ANKRD28: variants seen among roughly 807,000 people sequenced by gnomAD.
The protein encoded by ANKRD28 is serine/threonine-protein phosphatase 6 regulatory ankyrin repeat subunit A.
In ANKRD28, 44 loss-of-function variants were observed where a neutral mutation model predicts 126.5. That is an observed-to-expected ratio of 0.35 (90% CI 0.27 to 0.45). The LOEUF (loss-of-function observed/expected upper bound fraction) is 0.45, where lower values mean the gene tolerates loss of function less well. ANKRD28 is among the 20% of genes least tolerant of loss of function. The pLI is 1.00. For synonymous variants in ANKRD28, 442 were observed against 468.5 expected, an observed-to-expected ratio of 0.94 and a Z score of 0.73; for missense variants, 1,110 against 1,316.6, an observed-to-expected ratio of 0.84 and a Z score of 2.43.
Position 15,817,035 on chromosome 3 carries a change from G to C in ANKRD28, c.28-21729C>G, listed in dbSNP as rs2060846082. ...ACACAGCAAAACCCTGTCTCTGTAA[G>C]AAAACAAAACCAAAACCAAAAGAAA... On this transcript the variant is annotated intron_variant, in intron 1 of 27. Coordinates refer to the ANKRD28 transcript ENST00000399451. The surrounding 1 kb of genome is among the most constrained non-coding windows in gnomAD (Gnocchi z 4.5). Among the ~76,000 whole-genome samples the C allele has an allele frequency of 6.6e-6, 1 of 151,990 alleles. No individual in the cohort carries two copies. The highest frequency in any genetic ancestry group is 6.6e-5 in the Admixed American group (1 of 15,238).
At chr3:15,762,338 T>C (rs968015345) in intron 3 of ANKRD28, among the ~76,000 whole-genome samples, 2 of 152,180 alleles carry the variant, frequency 1.3e-5, no homozygotes, top group Non-Finnish European at 2.9e-5. Flanking sequence ...ACATCCTGAT[T>C]ACTACCTATC....
intron 1 of ANKRD28, among the ~76,000 whole-genome samples, chr3:15,803,090 T>C (rs909498205): frequency 6.6e-6 from 1 of 152,230 alleles, no homozygotes; most frequent in Non-Finnish European, 1.5e-5. Flanking sequence ...AGAGAGGCCT[T>C]GTAAACCAAG....
In ANKRD28 at chr3:15,776,134, A is replaced by G. The variant is rs141417738; in HGVS notation, c.202-9822T>C. ...ACTATGTCCAAATAAACACTTTACC[A>G]TATCGTACACTACATACTTCAAAAA... is the stretch of plus-strand genomic sequence containing the variant. On this transcript the variant is annotated intron_variant, in intron 2 of 27. Coordinates refer to ENST00000683139, the MANE Select transcript of ANKRD28 (RefSeq NM_001349278.2). Among the ~76,000 whole-genome samples, 6 of 152,360 alleles carry G rather than the reference A, an allele frequency of 3.9e-5. No individual in the cohort carries two copies. The East Asian group carries it at 1.2e-3, about 29-fold the overall frequency.
At chr3:15,748,496 T>C (rs980946293) in intron 4 of ANKRD28, among the ~76,000 whole-genome samples, 5 of 152,186 alleles carry the variant, frequency 3.3e-5, no homozygotes, top group African/African-American at 1.2e-4. Flanking sequence ...AATCGTTTTG[T>C]TTAAGGAGGC....
At chr3:15,762,430 A>G (rs2058536978) in intron 3 of ANKRD28, among the ~76,000 whole-genome samples, 1 of 152,162 alleles carries the variant, frequency 6.6e-6, no homozygotes, top group African/African-American at 2.4e-5. Flanking sequence ...CCTGTTCAGG[A>G]AGGTACTTAT....
chr3:15,698,438 G>T (rs2070015690), intron 14 of ANKRD28, among the ~76,000 whole-genome samples: 1 of 152,176 alleles, frequency 6.6e-6, no homozygotes, highest in Non-Finnish European at 1.5e-5. Flanking sequence ...TAGGAAAAGA[G>T]GAAGTCAAAT....
At chr3:15,754,267 T>C (rs143137175) in intron 3 of ANKRD28, among the ~76,000 whole-genome samples, 18 of 152,308 alleles carry the variant, frequency 1.2e-4, no homozygotes, top group African/African-American at 4.3e-4. Context: ...AGGATGTGAA[T>C]CATCCCTTTG....
At chr3:15,716,649 A>T (rs2073098345) in intron 8 of ANKRD28, among the ~76,000 whole-genome samples, 1 of 152,162 alleles carries the variant, frequency 6.6e-6, no homozygotes, top group Admixed American at 6.6e-5. Flanking sequence ...GGATAAGAAA[A>T]ACAAGAGGAA....
chr3:15,842,174 A>G (rs1040959280), intron 1 of ANKRD28, among the ~76,000 whole-genome samples: 28 of 151,986 alleles, frequency 1.8e-4, no homozygotes, highest in African/African-American at 6.0e-4. Context: ...AAGCAACTTA[A>G]ATGTCCATTA....
chr3:15,751,331 T>C (rs1295058807), intron 4 of ANKRD28, among the ~76,000 whole-genome samples: 1 of 152,186 alleles, frequency 6.6e-6, no homozygotes, highest in African/African-American at 2.4e-5. Context: ...AAATGTGCAA[T>C]CAAGTAATGG....
intron 2 of ANKRD28, among the ~76,000 whole-genome samples, chr3:15,768,664 G>A (rs997976900): frequency 4.6e-5 from 7 of 151,650 alleles, no homozygotes; most frequent in East Asian, 1.9e-4. Flanking sequence ...GGGGGGCGGC[G>A]GTGGGGCAGG....
At chr3:15,813,024 C>A (rs2060749676) in intron 1 of ANKRD28, among the ~76,000 whole-genome samples, 1 of 148,182 alleles carries the variant, frequency 6.7e-6, no homozygotes, top group African/African-American at 2.5e-5. Flanking sequence ...CAGTTTCCAA[C>A]ATAACAGCTT....
At position 15,853,709 on chromosome 3, in the gene ANKRD28, T is replaced by C. The variant is rs1236197826; in HGVS notation, c.27+5668A>G. 2.6e-5 allele frequency among the ~76,000 whole-genome samples: 4 copies of C among 152,080 alleles called. No individual in the cohort carries two copies. Among genetic ancestry groups the C allele is most frequent in the Non-Finnish European group, 5.9e-5 (4 of 68,002 alleles). ...TGGTCTCGATCTCCTGACCTCATGA[T>C]CCGCCCGCCTCGGTCTCCCAAAGTG... On this transcript the variant is annotated intron_variant, in intron 1 of 27. Transcript: ENST00000399451. The surrounding 1 kb of genome is among the most constrained non-coding windows in gnomAD (Gnocchi z 4.2).
intron 1 of ANKRD28, among the ~76,000 whole-genome samples, chr3:15,806,041 A>G (rs1267688470): frequency 2.0e-5 from 3 of 152,208 alleles, no homozygotes; most frequent in Non-Finnish European, 4.4e-5. Context: ...AAATTCAAGT[A>G]ATGACTCAGA....
chr3:15,798,165 C>T (rs2060362907), upstream of ANKRD28: 14 of 985,370 alleles, frequency 1.4e-5, no homozygotes, highest in South Asian at 6.1e-4. Flanking sequence ...ATCTGGTGTA[C>T]TGCCTCTGCT....
Position 15,846,415 on chromosome 3 carries a change from C to T in ANKRD28, c.27+12962G>A, listed in dbSNP as rs1362372284. On this transcript the variant is annotated intron_variant, in intron 1 of 27. Transcript: ENST00000399451. The surrounding 1 kb of genome is among the most constrained non-coding windows in gnomAD (Gnocchi z 5.4). ...TGATGCAAGAGGTGAGCTCTCAAGG[C>T]CTTGGGCAGCTCTGCCCCTGTGGCT... 6.6e-6 allele frequency among the ~76,000 whole-genome samples: 1 copy of T among 152,240 alleles called. No homozygotes were observed. Among genetic ancestry groups the T allele is most frequent in the Admixed American group, 6.5e-5 (1 of 15,288 alleles).
At chr3:15,818,815 A>G (rs1238741034) in intron 1 of ANKRD28, among the ~76,000 whole-genome samples, 1 of 152,204 alleles carries the variant, frequency 6.6e-6, no homozygotes, top group Non-Finnish European at 1.5e-5. Flanking sequence ...TATAATTTCA[A>G]TTTTTCCTCA....
Position 15,830,519 on chromosome 3 carries a change from TCTAA to T in ANKRD28, c.27+28854_27+28857del, listed in dbSNP as rs1213763822. Among the ~76,000 whole-genome samples the T allele has an allele frequency of 6.6e-6, 1 of 152,108 alleles. No individual in the cohort carries two copies. Among genetic ancestry groups the T allele is most frequent in the Non-Finnish European group, 1.5e-5 (1 of 68,010 alleles). On this transcript the variant is annotated intron_variant, in intron 1 of 27. Transcript: ENST00000399451. This position sits in a 1 kb window ranked among gnomAD's most constrained non-coding sequence, Gnocchi z 4.5. ...CTAGGTTATGTGCTTTTTACAACAC[TCTAA>T]CTAATGCCTGATGATCTGAGGTGGA... is the stretch of plus-strand genomic sequence containing the variant.
At chr3:15,684,229 G>C (rs1459429118) in intron 21 of ANKRD28, 2 of 152,132 alleles carry the variant, frequency 1.3e-5, no homozygotes, top group Non-Finnish European at 2.9e-5. Flanking sequence ...ATTTTAATTA[G>C]TGGCATTTCA....
Sources: allele counts gnomAD v4.1 joint callset (sites outside exome capture counted in the v4.1 genomes callset), GRCh38; gene constraint gnomAD v4.1.1; non-coding constraint Gnocchi (gnomAD v3.1); transcripts MANE v1.5; gene names NCBI Gene and HGNC (gene_info 2026-07-23, HGNC 2026-07-21).